The following FOXP2 variants were observed in gnomAD, a reference collection of about 807,000 sequenced individuals.
FOXP2 encodes the protein forkhead box P2.
FOXP2 carries 12 observed loss-of-function variants against 115.8 expected under a neutral mutation model. That is an observed-to-expected ratio of 0.10 (90% CI 0.07 to 0.17). The LOEUF (loss-of-function observed/expected upper bound fraction) is 0.17, where lower values mean the gene tolerates loss of function less well. Among genes scored for constraint, FOXP2 ranks in the 10% least tolerant of loss-of-function variants. The pLI, the probability that FOXP2 is intolerant of heterozygous loss-of-function variation, is 1.00. For synonymous variants in FOXP2, 328 were observed against 297.7 expected, an observed-to-expected ratio of 1.10 and a Z score of -1.05; for missense variants, 629 against 843.5, an observed-to-expected ratio of 0.75 and a Z score of 3.15.
At chr7:114,562,164 C>G (rs1379816194) in intron 3 of FOXP2, among the ~76,000 whole-genome samples, 1 of 152,136 alleles carries the variant, frequency 6.6e-6, no homozygotes, top group African/African-American at 2.4e-5. Flanking sequence ...CTTTCTGACC[C>G]TGCTGCAGCA....
intron 1 of FOXP2, among the ~76,000 whole-genome samples, chr7:114,278,284 A>T (rs1796242645): frequency 6.6e-6 from 1 of 152,118 alleles, no homozygotes; most frequent in African/African-American, 2.4e-5. Context: ...ATTGAGTTAG[A>T]GATGAGATTA....
chr7:114,443,756 C>T (rs146801993), intron 2 of FOXP2, among the ~76,000 whole-genome samples: 285 of 152,244 alleles, frequency 1.9e-3, no homozygotes, highest in African/African-American at 6.6e-3. Context: ...CATGATCTCA[C>T]TCTTTTTAAG....
At chr7:114,472,566 T>A (rs1406625882) in intron 2 of FOXP2, among the ~76,000 whole-genome samples, 1 of 152,132 alleles carries the variant, frequency 6.6e-6, no homozygotes, top group Admixed American at 6.5e-5. Flanking sequence ...CAGGCTGGTC[T>A]TGAACTCCTG....
intron 3 of FOXP2, among the ~76,000 whole-genome samples, chr7:114,604,442 T>C (rs1183388685): frequency 6.6e-6 from 1 of 152,204 alleles, no homozygotes; most frequent in Admixed American, 6.5e-5. Flanking sequence ...TCATATGTTA[T>C]GTCAATCTAT....
At chr7:114,623,902 G>A (rs963821927) in intron 3 of FOXP2, among the ~76,000 whole-genome samples, 1 of 151,794 alleles carries the variant, frequency 6.6e-6, no homozygotes, top group Non-Finnish European at 1.5e-5. Flanking sequence ...GCGTTAAATA[G>A]CAATATGCAC....
chr7:114,466,522 C>G (rs1355360230), intron 2 of FOXP2, among the ~76,000 whole-genome samples: 1 of 152,160 alleles, frequency 6.6e-6, no homozygotes, highest in Non-Finnish European at 1.5e-5. Context: ...TCTTGTAAAT[C>G]TTCAAACTTT....
chr7:114,290,986 T>C (rs1230934990), intron 2 of FOXP2, among the ~76,000 whole-genome samples: 2 of 152,160 alleles, frequency 1.3e-5, no homozygotes, highest in Non-Finnish European at 2.9e-5. Flanking sequence ...TCAGGCCACA[T>C]GGAAAATACC....
At position 114,310,821 on chromosome 7, in the gene FOXP2, G is replaced by T. The variant is rs140825075; in HGVS notation, c.-11+22712G>T. On this transcript the variant is annotated intron_variant, in intron 2 of 17. Transcript: ENST00000634411. ...TTAAGGGACACTTTTTTAAGAGCAG[G>T]AGTGAAAGTTTATTAAAAAGCTCTC... Among the ~76,000 whole-genome samples the T allele has an allele frequency of 1.5e-3, 221 of 152,212 alleles. 1 individual carries two copies. The highest frequency in any genetic ancestry group is 5.0e-3 in the African/African-American group (206 of 41,538).
intron 5 of FOXP2, chr7:114,630,616 A>G (rs1804849932): frequency 6.4e-6 from 1 of 156,120 alleles, no homozygotes; most frequent in African/African-American, 2.4e-5. Flanking sequence ...ATCAGCAGGT[A>G]TCAGAGCCGT....
At chr7:114,313,723 C>T (rs1797202244) in intron 2 of FOXP2, among the ~76,000 whole-genome samples, 2 of 43,138 alleles carry the variant, frequency 4.6e-5, no homozygotes, top group South Asian at 5.5e-4. Context: ...CCAGCCTGGG[C>T]GACAGAGCGA....
chr7:114,479,009 A>G (rs1236820571), intron 2 of FOXP2, among the ~76,000 whole-genome samples: 2 of 151,788 alleles, frequency 1.3e-5, no homozygotes, highest in Non-Finnish European at 3.0e-5. Flanking sequence ...ATCCTTTTTA[A>G]ACATATTCTG....
intron 1 of FOXP2, among the ~76,000 whole-genome samples, chr7:114,255,169 G>A (rs1213759495): frequency 6.8e-6 from 1 of 147,092 alleles, no homozygotes; most frequent in African/African-American, 2.5e-5. Context: ...TCTCAGAGGG[G>A]TACCTGGCCG....
chr7:114,576,957 A>T (rs983212203), intron 3 of FOXP2, among the ~76,000 whole-genome samples: 3 of 151,994 alleles, frequency 2.0e-5, no homozygotes, highest in Non-Finnish European at 4.4e-5. Flanking sequence ...ACAAACATAC[A>T]TCATACATAC....
chr7:114,631,727 C>G, intron 6 of FOXP2, 22 bp downstream of exon 6: 1 of 1,611,012 alleles, frequency 6.2e-7, no homozygotes, highest in Non-Finnish European at 8.5e-7. Context: ...ATGTTGTGCA[C>G]TCTTCATTTC....
intron 3 of FOXP2, among the ~76,000 whole-genome samples, chr7:114,616,371 C>T (rs1803953448): frequency 6.6e-6 from 1 of 152,120 alleles, no homozygotes; most frequent in African/African-American, 2.4e-5. Context: ...CCACGTTGGC[C>T]AAGCTGGTCT....
chr7:114,463,030 A>T (rs1341173360), intron 2 of FOXP2: 1 of 428,582 alleles, frequency 2.3e-6, no homozygotes, highest in South Asian at 1.7e-5. Flanking sequence ...TTTAAATTTC[A>T]TTTATTATGT....
chr7:114,189,168 A>G (rs1027188748), intron 1 of FOXP2, among the ~76,000 whole-genome samples: 2 of 152,180 alleles, frequency 1.3e-5, no homozygotes, highest in Admixed American at 1.3e-4. Flanking sequence ...TTTCATAATA[A>G]CATTGTTTTA....
chr7:114,091,455 A>G (rs570019886), intron 1 of FOXP2, among the ~76,000 whole-genome samples: 9 of 151,940 alleles, frequency 5.9e-5, no homozygotes, highest in Admixed American at 2.6e-4. Flanking sequence ...TGTTTCCTCA[A>G]ATGTGATATT....
chr7:114,519,196 C>T (rs1798491973), intron 2 of FOXP2, among the ~76,000 whole-genome samples: 1 of 152,074 alleles, frequency 6.6e-6, no homozygotes, highest in African/African-American at 2.4e-5. Flanking sequence ...GGTAGCAATA[C>T]CATAGAAGCT....
Sources: allele counts gnomAD v4.1 joint callset (sites outside exome capture counted in the v4.1 genomes callset), GRCh38; gene constraint gnomAD v4.1.1; transcripts MANE v1.5; gene names NCBI Gene and HGNC (gene_info 2026-07-23, HGNC 2026-07-21).